The following PALLD variants were observed in gnomAD, a reference collection of about 807,000 sequenced individuals.
PALLD encodes palladin, cytoskeletal associated protein, also known as palladin.
Under a neutral mutation model 123.5 loss-of-function variants are expected in PALLD, and 61 were observed. That is an observed-to-expected ratio of 0.49 (90% CI 0.40 to 0.61). The LOEUF (loss-of-function observed/expected upper bound fraction) is 0.61. PALLD is among the 20% of genes least tolerant of loss of function. PALLD has a pLI of 0.00. For missense variants in PALLD, 1,273 were observed against 1,377.0 expected (o/e 0.92, Z 1.20); for synonymous variants, 465 against 496.4 (o/e 0.94, Z 0.84).
rs1230404942 is a variant in PALLD, at chr4:168,761,641, G to GT, written c.1964+49721dup. ...ACGCCCAGCTATTTTTGTTGTTGTT[G>GT]TTTGTTTTTTTTTTTTTTTTTTTTT... is the stretch of plus-strand genomic sequence containing the variant. On this transcript the variant is annotated intron_variant, in intron 10 of 21. Transcript: ENST00000505667. Among the ~76,000 whole-genome samples, 7 of 11,640 alleles carry GT rather than the reference G, an allele frequency of 6.0e-4. No homozygotes were observed. The East Asian group carries it at 9.0e-3, about 15-fold the overall frequency. The allele number at this position is 11,640 out of a possible 152,430, so 7.6% of individuals were successfully genotyped here.
At chr4:168,646,439 G>A (rs1777462880) in intron 2 of PALLD, among the ~76,000 whole-genome samples, 1 of 152,196 alleles carries the variant, frequency 6.6e-6, no homozygotes. Flanking sequence ...TATGTGGAGA[G>A]CACACAGCTC....
At chr4:168,816,389 G>GTATATATATATA (rs34216824) in intron 10 of PALLD, among the ~76,000 whole-genome samples, 10 of 139,024 alleles carry the variant, frequency 7.2e-5, no homozygotes, top group African/African-American at 2.3e-4. Flanking sequence ...GTGTATGTGT[G>GTATATATATATA]TATATATATA....
intron 10 of PALLD, among the ~76,000 whole-genome samples, chr4:168,779,528 T>TAC (rs1191437689): frequency 6.6e-6 from 1 of 151,144 alleles, no homozygotes; most frequent in Non-Finnish European, 1.5e-5. Flanking sequence ...ATCATATATA[T>TAC]ACACACACAC....
intron 2 of PALLD, among the ~76,000 whole-genome samples, chr4:168,656,578 GACA>G (rs748889849): frequency 3.0e-4 from 46 of 152,044 alleles, no homozygotes; most frequent in Non-Finnish European, 5.7e-4. Context: ...CTGTAAGTAG[GACA>G]ACTGCCCATC....
chr4:168,685,423 C>A, intron 5 of PALLD, 62 bp from the exon 6 acceptor site: 1 of 1,046,624 alleles, frequency 9.6e-7, no homozygotes, highest in South Asian at 1.3e-5. Flanking sequence ...AAGGTTTCTT[C>A]AGCCCATCTT....
chr4:168,830,037 G>C (rs572567643), intron 10 of PALLD, among the ~76,000 whole-genome samples: 10 of 152,228 alleles, frequency 6.6e-5, no homozygotes, highest in Admixed American at 2.6e-4. Flanking sequence ...TTCAAGAGCA[G>C]CTTGGCCAAC....
In PALLD at chr4:168,913,924, C is replaced by T; in HGVS notation, c.2623-3C>T. 6.3e-7 allele frequency: 1 copy of T among 1,596,050 alleles called. No homozygotes were observed. ...AATCATTTATTTCCTGATATTTCTA[C>T]AGGGCCGCATCAGTTGTACTGGACG... is the stretch of plus-strand genomic sequence containing the variant. On this transcript the variant is annotated splice_region_variant and splice_polypyrimidine_tract_variant and intron_variant, in intron 15 of 21. Transcript: ENST00000505667.
intron 1 of PALLD, among the ~76,000 whole-genome samples, chr4:168,504,447 A>G (rs932295692): frequency 2.6e-5 from 4 of 152,110 alleles, no homozygotes; most frequent in African/African-American, 9.7e-5. Flanking sequence ...TACAAAAATC[A>G]GCTGGGAGTG....
intron 2 of PALLD, among the ~76,000 whole-genome samples, chr4:168,627,458 C>A (rs1052803016): frequency 9.2e-5 from 14 of 152,056 alleles, no homozygotes; most frequent in African/African-American, 3.4e-4. Flanking sequence ...TGCAGTGAGC[C>A]AAGATTGTAC....
intron 10 of PALLD, among the ~76,000 whole-genome samples, chr4:168,820,591 C>T (rs1742575056): frequency 6.6e-6 from 1 of 152,080 alleles, no homozygotes; most frequent in Admixed American, 6.6e-5. Flanking sequence ...AAGTATCAGC[C>T]TTGGGATTTA....
intron 15 of PALLD, among the ~76,000 whole-genome samples, chr4:168,905,804 T>C (rs1001407223): frequency 6.8e-6 from 1 of 146,512 alleles, no homozygotes; most frequent in African/African-American, 2.5e-5. Flanking sequence ...TTTTTTTTTT[T>C]TTTTTTCTTT....
At position 168,543,851 on chromosome 4, in the gene PALLD, A is replaced by G. The variant is rs1297668251; in HGVS notation, c.908+31439A>G. Among the ~76,000 whole-genome samples the G allele has an allele frequency of 2.0e-5, 3 of 152,164 alleles. No individual in the cohort carries two copies. In the South Asian group the frequency reaches 6.2e-4, roughly 32 times the overall value. On this transcript the variant is annotated intron_variant, in intron 2 of 21. Coordinates refer to ENST00000505667, the MANE Select transcript of PALLD (RefSeq NM_001166108.2). ...AGCAGAGACATTAGTATCTTTGGGG[A>G]AAAAAAACCCAAAGGAAGAGATCCT...
chr4:168,915,122 G>A (rs1759842084), intron 16 of PALLD, among the ~76,000 whole-genome samples: 1 of 152,030 alleles, frequency 6.6e-6, no homozygotes, highest in Admixed American at 6.6e-5. Context: ...CTTAGAGAAG[G>A]GTAAACTATA....
intron 8 of PALLD, among the ~76,000 whole-genome samples, chr4:168,691,994 A>G (rs1208832117): frequency 6.6e-6 from 1 of 152,192 alleles, no homozygotes. Context: ...GTCCTCCTCA[A>G]GACTATTTTC....
intron 10 of PALLD, among the ~76,000 whole-genome samples, chr4:168,749,270 C>G (rs962721860): frequency 4.6e-5 from 7 of 152,126 alleles, no homozygotes; most frequent in African/African-American, 1.7e-4. Flanking sequence ...GCCTGTACAT[C>G]CTGCAGAAAC....
chr4:168,564,233 TA>T (rs1220656160), intron 2 of PALLD, among the ~76,000 whole-genome samples: 3 of 152,246 alleles, frequency 2.0e-5, no homozygotes, highest in African/African-American at 7.2e-5. Flanking sequence ...CAAATGTTAA[TA>T]AAGCCAGTGC....
intron 2 of PALLD, among the ~76,000 whole-genome samples, chr4:168,521,655 T>C (rs1265290886): frequency 2.0e-5 from 3 of 152,220 alleles, no homozygotes; most frequent in Non-Finnish European, 1.5e-5. Context: ...TGCCATTTTC[T>C]TTTATACTAC....
At chr4:168,727,500 G>A (rs1055802415) in intron 10 of PALLD, among the ~76,000 whole-genome samples, 15 of 152,084 alleles carry the variant, frequency 9.9e-5, no homozygotes, top group African/African-American at 3.6e-4. Context: ...TTTGTTGGCT[G>A]CTTGTATGTT....
At chr4:168,542,516 C>T (rs1165627982) in intron 2 of PALLD, among the ~76,000 whole-genome samples, 3 of 151,304 alleles carry the variant, frequency 2.0e-5, no homozygotes, top group African/African-American at 7.3e-5. Flanking sequence ...TTGAGTGCTC[C>T]CACCTAGGAA....
Sources: gnomAD v4.1 joint callset for allele counts (sites outside exome capture counted in the v4.1 genomes callset) on GRCh38, gnomAD v4.1.1 for gene constraint, MANE v1.5 for transcripts, NCBI Gene and HGNC (gene_info 2026-07-23, HGNC 2026-07-21) for gene names.